Variants in ENPEP observed in about 807,000 individuals in gnomAD.
ENPEP encodes glutamyl aminopeptidase, also known as AP-A.
In ENPEP, 103 loss-of-function variants were observed where a neutral mutation model predicts 114.5. That is an observed-to-expected ratio of 0.90 (90% CI 0.77 to 1.06). ENPEP has a LOEUF of 1.06. Ranked by LOEUF, ENPEP falls within the 50% of genes least tolerant of loss-of-function variation. The probability of loss-of-function intolerance (pLI) is 0.00; values close to 1 mark genes in which losing one functional copy is unlikely to be tolerated. For missense variants in ENPEP, 1,196 were observed against 1,161.3 expected (o/e 1.03, Z -0.43); for synonymous variants, 420 against 422.0 (o/e 1.00, Z 0.06).
In ENPEP at chr4:110,503,069, G is replaced by A. The variant is rs527275318; in HGVS notation, c.919-3568G>A. ...TCCCTCCCCGCTCCCCCCACCCCAC[G>A]ACAGGCCCTGGTGTGTGATGTTCTC... On this transcript the variant is annotated intron_variant, in intron 3 of 19. Coordinates refer to ENST00000265162, the MANE Select transcript of ENPEP (RefSeq NM_001977.4). Among the ~76,000 whole-genome samples the A allele has an allele frequency of 6.6e-5, 10 of 151,924 alleles. 1 individual carries two copies. The South Asian group carries it at 1.5e-3, about 22-fold the overall frequency.
chr4:110,530,505 A>G (rs1726369377), intron 10 of ENPEP, among the ~76,000 whole-genome samples: 1 of 152,202 alleles, frequency 6.6e-6, no homozygotes, highest in African/African-American at 2.4e-5. Flanking sequence ...ACAAACCAAA[A>G]AAAATGAGAT....
intron 10 of ENPEP, among the ~76,000 whole-genome samples, chr4:110,528,955 T>C (rs1278568984): frequency 1.3e-5 from 2 of 152,236 alleles, no homozygotes; most frequent in South Asian, 2.1e-4. Context: ...CTCAAGTCTG[T>C]GATTTTACTC....
In ENPEP at chr4:110,520,666, G is replaced by T. The variant is rs7683423; in HGVS notation, c.1727+300G>T. On this transcript the variant is annotated intron_variant, in intron 10 of 19. Coordinates refer to ENST00000265162, the MANE Select transcript of ENPEP (RefSeq NM_001977.4). ...AGGGAGGGGCTGTAAGTGTCACAGA[G>T]TTCTGAAGAAGTAAAGCAGAAGGAG... Among the ~76,000 whole-genome samples, 1,383 of 152,290 alleles carry T rather than the reference G, an allele frequency of 9.1e-3. 14 individuals are homozygous for T. The highest frequency in any genetic ancestry group is 0.032 in the African/African-American group (1,333 of 41,560).
chr4:110,488,818 A>G, intron 2 of ENPEP, 136 bp downstream of exon 2: 1 of 1,235,294 alleles, frequency 8.1e-7, no homozygotes, highest in Non-Finnish European at 1.1e-6. Context: ...AGCTGAGTGA[A>G]ATACATTTTG....
At chr4:110,553,266 G>T in intron 17 of ENPEP, 49 bp from the exon 18 acceptor site, 1 of 1,498,564 alleles carries the variant, frequency 6.7e-7, no homozygotes, top group South Asian at 1.4e-5. Context: ...AGCTAAGGGT[G>T]AACATTAAAA....
intron 7 of ENPEP, among the ~76,000 whole-genome samples, 182 bp from the exon 8 acceptor site, chr4:110,515,195 C>T (rs1484261641): frequency 6.6e-6 from 1 of 152,152 alleles, no homozygotes; most frequent in African/African-American, 2.4e-5. Context: ...TGCATAGATA[C>T]AGGGACTGTG....
In ENPEP at chr4:110,564,388, G is replaced by A. The variant is rs912667332; in HGVS notation, c.*2830G>A. The A allele has an allele frequency of 6.6e-5, 10 of 152,100 alleles. No homozygotes were observed. Among genetic ancestry groups the A allele is most frequent in the African/African-American group, 2.4e-4 (10 of 41,416 alleles). The allele number at this position is 152,100 out of a possible 1,614,324, so 9.4% of individuals were successfully genotyped here. A position where few individuals can be genotyped will look rare whatever the true frequency, so the allele number is the denominator to read the frequency against. Reference sequence around the variant, plus strand: ...AATATCAACTACTTGGTAGTTGAGTGCTTTTAACCTCTCCATTGTTGTTTC... The same window carrying A: ...AATATCAACTACTTGGTAGTTGAGTACTTTTAACCTCTCCATTGTTGTTTC... On this transcript the variant is annotated 3_prime_UTR_variant, in exon 20 of 20. Transcript: ENST00000265162.
At chr4:110,523,300 C>G (rs1400837730) in intron 10 of ENPEP, among the ~76,000 whole-genome samples, 1 of 151,626 alleles carries the variant, frequency 6.6e-6, no homozygotes, top group Non-Finnish European at 1.5e-5. Context: ...CTCTTGCTTG[C>G]TCTCTCTCAC....
intron 11 of ENPEP, among the ~76,000 whole-genome samples, chr4:110,535,715 G>A (rs951307065): frequency 6.6e-6 from 1 of 152,170 alleles, no homozygotes; most frequent in Non-Finnish European, 1.5e-5. Flanking sequence ...GGCTGGGCGC[G>A]GTGGCTCACG....
At chr4:110,539,379 T>C (rs1015131251) in intron 11 of ENPEP, among the ~76,000 whole-genome samples, 2 of 152,236 alleles carry the variant, frequency 1.3e-5, no homozygotes. Context: ...AGCATTACCA[T>C]AAATGGATAA....
chr4:110,487,237 C>T (rs1724539736), intron 1 of ENPEP, among the ~76,000 whole-genome samples: 1 of 152,212 alleles, frequency 6.6e-6, no homozygotes, highest in South Asian at 2.1e-4. Flanking sequence ...ATTTGTTAGT[C>T]CTGCAAAGGC....
intron 3 of ENPEP, 70 bp from the exon 4 acceptor site, chr4:110,506,567 G>A (rs183014584): frequency 7.4e-6 from 11 of 1,491,202 alleles, no homozygotes; most frequent in Admixed American, 6.6e-5. Flanking sequence ...AGTATGTTAT[G>A]CATCACAGTT....
intron 10 of ENPEP, among the ~76,000 whole-genome samples, chr4:110,529,585 G>A (rs1046138300): frequency 2.6e-5 from 4 of 152,194 alleles, no homozygotes; most frequent in African/African-American, 9.7e-5. Flanking sequence ...TCATACTTCA[G>A]AGTGCTCCTG....
At chr4:110,536,231 C>G (rs1225259833) in intron 11 of ENPEP, among the ~76,000 whole-genome samples, 1 of 151,398 alleles carries the variant, frequency 6.6e-6, no homozygotes, top group Non-Finnish European at 1.5e-5. Context: ...CTAATTATTG[C>G]ACTTTAGAAA....
At chr4:110,477,211 A>G (rs1374710659) in intron 1 of ENPEP, among the ~76,000 whole-genome samples, 153 bp downstream of exon 1, 1 of 152,212 alleles carries the variant, frequency 6.6e-6, no homozygotes, top group Non-Finnish European at 1.5e-5. Context: ...TGGGAAGCCA[A>G]AATTGTTGCC....
rs907322707 is a variant in ENPEP at position 110,487,898 on chromosome 4, T to TA, written c.645-634dup. On this transcript the variant is annotated intron_variant, in intron 1 of 19. Coordinates refer to ENST00000265162, the MANE Select transcript of ENPEP (RefSeq NM_001977.4). Reference sequence around the variant, plus strand: ...ACCAGCATATGCCTAGTTAGAGCCATAAAAAAAAATGCTGCTCTCTCTTTT... The same window carrying TA: ...ACCAGCATATGCCTAGTTAGAGCCATAAAAAAAAAATGCTGCTCTCTCTTTT... 1.4e-3 allele frequency among the ~76,000 whole-genome samples: 205 copies of TA among 151,366 alleles called. 2 individuals are homozygous for TA. Among genetic ancestry groups the TA allele is most frequent in the African/African-American group, 4.5e-3 (187 of 41,340 alleles).
intron 17 of ENPEP, among the ~76,000 whole-genome samples, chr4:110,550,649 A>C (rs1325034198): frequency 6.6e-6 from 1 of 152,064 alleles, no homozygotes; most frequent in Non-Finnish European, 1.5e-5. Context: ...TTTTTTGCTT[A>C]GTTATAGTGT....
chr4:110,476,396 C>G lies in ENPEP; in HGVS notation c.-19C>G. 6.6e-7 allele frequency: 1 copy of G among 1,510,572 alleles called. No homozygotes were observed. Among genetic ancestry groups the G allele is most frequent in the Non-Finnish European group, 8.9e-7 (1 of 1,128,464 alleles). 93.6% of individuals were successfully genotyped at this position (1,510,572 alleles called of 1,614,324 possible). ...ATTTAACATCTTTTTATGTGTAACACTTGACTTTGGAAGCAAAAATGAACT... is the reference window on the plus strand; with the variant it reads ...ATTTAACATCTTTTTATGTGTAACAGTTGACTTTGGAAGCAAAAATGAACT... On this transcript the variant is annotated 5_prime_UTR_variant, in exon 1 of 20. Transcript: ENST00000265162.
In ENPEP at chr4:110,553,368, C is replaced by G. The variant is rs1482702582; in HGVS notation, c.2555C>G (p.Thr852Arg). ...CTTATTAAAACTCAGGATGTGTTTA[C>G]AGTCATTCGATATATCTCATATAAC... ...TNLIKTQDVFTVIRYISYNSY... is the reference protein window; with the variant it reads ...TNLIKTQDVFRVIRYISYNSY... The change falls in exon 18 of 20, where the codon ACA becomes AGA. Residue 852 changes from threonine to arginine, a missense_variant. Transcript: ENST00000265162. The G allele has an allele frequency of 6.2e-7, 1 of 1,611,044 alleles. No homozygotes were observed. The highest frequency in any genetic ancestry group is 8.5e-7 in the Non-Finnish European group (1 of 1,178,062).
Sources: gnomAD v4.1 joint callset for allele counts (sites outside exome capture counted in the v4.1 genomes callset) on GRCh38, gnomAD v4.1.1 for gene constraint, MANE v1.5 for transcripts, NCBI Gene and HGNC (gene_info 2026-07-23, HGNC 2026-07-21) for gene names.